The following ATAD2 variants were observed in gnomAD, a reference collection of about 807,000 sequenced individuals.
ATAD2 encodes ATPase family AAA domain-containing protein 2.
In ATAD2, 62 loss-of-function variants were observed where a neutral mutation model predicts 168.9. The observed-to-expected ratio is 0.37, with a 90% CI of 0.30 to 0.45. The LOEUF is 0.45. ATAD2 is among the 20% of genes least tolerant of loss of function. The probability of loss-of-function intolerance (pLI) is 1.00; values close to 1 mark genes in which losing one functional copy is unlikely to be tolerated. For missense variants in ATAD2, 1,419 were observed against 1,667.8 expected, an observed-to-expected ratio of 0.85 and a Z score of 2.60; for synonymous variants, 613 against 571.6, an observed-to-expected ratio of 1.07 and a Z score of -1.03.
At chr8:123,364,542 C>A (rs997010067) in intron 8 of ATAD2, among the ~76,000 whole-genome samples, 2 of 152,038 alleles carry the variant, frequency 1.3e-5, no homozygotes, top group African/African-American at 2.4e-5. Context: ...ACTAGCTAAT[C>A]GAATCCAACA....
intron 19 of ATAD2, among the ~76,000 whole-genome samples, chr8:123,343,617 A>G (rs1483170761): frequency 6.6e-6 from 1 of 152,198 alleles, no homozygotes; most frequent in Admixed American, 6.5e-5. Flanking sequence ...AAAAACCATT[A>G]AACTCATTCA....
In ATAD2 at chr8:123,382,540, C is replaced by G. The variant is rs891697713; in HGVS notation, c.172-1863G>C. ...ATGGAATCTGTTTCCAAATTATCAACTTTCATATGTACTTTTTCTTAAAAC... is the reference window on the plus strand; with the variant it reads ...ATGGAATCTGTTTCCAAATTATCAAGTTTCATATGTACTTTTTCTTAAAAC... On this transcript the variant is annotated intron_variant, in intron 1 of 27. Transcript: ENST00000287394. Among the ~76,000 whole-genome samples, 6 of 152,318 alleles carry G rather than the reference C, an allele frequency of 3.9e-5. No homozygotes were observed. In the East Asian group the frequency reaches 1.2e-3, roughly 29 times the overall value.
At chr8:123,404,680 C>T (rs1226508419) in intron 1 of ATAD2, among the ~76,000 whole-genome samples, 2 of 152,022 alleles carry the variant, frequency 1.3e-5, no homozygotes, top group African/African-American at 4.8e-5. Context: ...GATTCTCCTG[C>T]CTCAGCCTCC....
chr8:123,365,068 C>A (rs888168828), intron 8 of ATAD2, among the ~76,000 whole-genome samples: 2 of 152,070 alleles, frequency 1.3e-5, no homozygotes, highest in Non-Finnish European at 2.9e-5. Flanking sequence ...ACAAAAAAAT[C>A]CAGCAAAGTT....
intron 24 of ATAD2, 41 bp downstream of exon 24, chr8:123,333,837 A>G (rs1827843661): frequency 1.3e-6 from 2 of 1,543,036 alleles, no homozygotes; most frequent in Non-Finnish European, 1.8e-6. Context: ...AGAAAAGAAT[A>G]AAGTTATAAT....
intron 19 of ATAD2, among the ~76,000 whole-genome samples, chr8:123,340,653 A>G (rs1454703025): frequency 6.6e-6 from 1 of 152,236 alleles, no homozygotes; most frequent in East Asian, 1.9e-4. Flanking sequence ...AAATTTGGAC[A>G]CAAGATACAA....
chr8:123,401,348 G>T, upstream of ATAD2: 3 of 1,402,660 alleles, frequency 2.1e-6, no homozygotes, highest in Non-Finnish European at 3.0e-6. Flanking sequence ...GACAAATACC[G>T]CCTGGACCTG....
intron 1 of ATAD2, among the ~76,000 whole-genome samples, chr8:123,415,663 C>T (rs1360969135): frequency 6.6e-6 from 1 of 152,060 alleles, no homozygotes; most frequent in Admixed American, 6.5e-5. Flanking sequence ...GGCACCATCT[C>T]GGCTCACTGC....
chr8:123,372,680 C>A lies in ATAD2; in HGVS notation c.327G>T (p.Leu109Phe). ...LANGRHFTRQ[L>F]ARQQADKKKE... Reference sequence around the variant, plus strand: ...TTTTTTTATCAGCCTGCTGTCTGGCCAACTGCCTATATTTTAAAAAATTAG... The same window carrying A: ...TTTTTTTATCAGCCTGCTGTCTGGCAAACTGCCTATATTTTAAAAAATTAG... Residue 109 changes from leucine to phenylalanine, a missense_variant, in exon 3 of 28, where the codon TTG becomes TTT. Transcript: ENST00000287394. 2 of 1,583,906 alleles carry A rather than the reference C, an allele frequency of 1.3e-6. No individual in the cohort carries two copies. The highest frequency in any genetic ancestry group is 1.2e-5 in the South Asian group (1 of 85,256).
intron 21 of ATAD2, 107 bp from the exon 22 acceptor site, chr8:123,336,639 GATT>G: frequency 1.2e-6 from 1 of 822,384 alleles, no homozygotes; most frequent in Non-Finnish European, 1.8e-6. Context: ...ATACGTAAGA[GATT>G]ATGATAATAT....
intron 27 of ATAD2, among the ~76,000 whole-genome samples, chr8:123,322,613 GAGTGAGTTGA>G (rs1388392553): frequency 6.6e-6 from 1 of 152,154 alleles, no homozygotes. Context: ...AGGCTGCAGT[GAGTGAGTTGA>G]GATCGCACCA....
rs1828744439 is a variant in ATAD2, at chr8:123,359,410, G to A, written c.1267-74C>T. 4.8e-6 allele frequency: 6 copies of A among 1,238,332 alleles called. No homozygotes were observed. In the East Asian group the frequency reaches 9.3e-5, roughly 19 times the overall value. 76.7% of individuals were successfully genotyped at this position (1,238,332 alleles called of 1,614,324 possible). On this transcript the variant is annotated intron_variant, in intron 10 of 27. Transcript: ENST00000287394. The stretch of plus-strand genomic sequence containing the variant: ...AAAATGTCACCCCACACCATACACA[G>A]TCAATGAAGTAATAATATCTTAATT...
In ATAD2 at chr8:123,346,729, T is replaced by C. The variant is rs1301792295; in HGVS notation, c.2234A>G (p.Glu745Gly). Residue 745 changes from glutamate to glycine, a missense_variant, in exon 17 of 28, where the codon GAA (glutamate) becomes GGA (glycine). Physicochemically the swap from Glu to Gly is moderately conservative, Grantham distance 98. Transcript: ENST00000287394. ...LDSDISCPLL[E>G]SDLAYSDDDV... ...ATCATCACTGTAAGCCAAGTCACTT[T>C]CTAGCAGAGGACAAGAAATATCTAT... 1 of 1,590,088 alleles carries C rather than the reference T, an allele frequency of 6.3e-7. No homozygotes were observed. The highest frequency in any genetic ancestry group is 1.4e-5 in the African/African-American group (1 of 73,920).
chr8:123,344,989 C>T lies in ATAD2; in HGVS notation c.2613G>A (p.Pro871=), dbSNP rs748436000. The change falls in exon 19 of 28, where the codon CCG becomes CCA. Residue 871 remains proline (P), a synonymous_variant. Transcript: ENST00000287394. Reference sequence around the variant, plus strand: ...ATGTGGTAAATGTGGCTTTAAGTGTCGGTCCAACTATTTCCCACCACACGT... The same window carrying T: ...ATGTGGTAAATGTGGCTTTAAGTGTTGGTCCAACTATTTCCCACCACACGT... ...HIHVWWEIVG[P]TLKATFTTLL... is the part of the protein sequence containing the mutation. 10 of 1,613,818 alleles carry T rather than the reference C, an allele frequency of 6.2e-6. No homozygotes were observed. The South Asian group carries it at 6.6e-5, about 11-fold the overall frequency.
chr8:123,345,777 A>G (rs1050656992), intron 18 of ATAD2, among the ~76,000 whole-genome samples: 2 of 152,238 alleles, frequency 1.3e-5, no homozygotes, highest in Non-Finnish European at 2.9e-5. Context: ...AGGAGCAGTC[A>G]CCATTTTAAG....
rs1827446055 is a variant in ATAD2 at position 123,320,811 on chromosome 8, A to T, written c.*323T>A. The stretch of plus-strand genomic sequence containing the variant: ...AAATTAAAAGTGCTTAATACAAACA[A>T]AATTTAACGCTGCTAATTATTCTTA... On this transcript the variant is annotated 3_prime_UTR_variant, in exon 28 of 28. Transcript: ENST00000287394. The T allele has an allele frequency of 4.2e-6, 1 of 238,254 alleles. No individual in the cohort carries two copies. The highest frequency in any genetic ancestry group is 8.0e-6 in the Non-Finnish European group (1 of 125,532). The allele number at this position is 238,254 out of a possible 1,614,324, so 14.8% of individuals were successfully genotyped here. A position where few individuals can be genotyped will look rare whatever the true frequency, so the allele number is the denominator to read the frequency against.
chr8:123,409,138 A>G (rs143339659), intron 1 of ATAD2, among the ~76,000 whole-genome samples: 28 of 152,052 alleles, frequency 1.8e-4, no homozygotes, highest in Non-Finnish European at 2.9e-4. Flanking sequence ...ATATTCTTAT[A>G]ATGTGGTTTT....
intron 27 of ATAD2, among the ~76,000 whole-genome samples, chr8:123,321,871 A>T (rs1355837829): frequency 1.3e-5 from 2 of 152,132 alleles, no homozygotes; most frequent in Non-Finnish European, 2.9e-5. Flanking sequence ...GTTCCAGGTT[A>T]TAGTGAGCTA....
intron 1 of ATAD2, among the ~76,000 whole-genome samples, chr8:123,385,342 AAG>A (rs773551844): frequency 5.9e-5 from 9 of 152,240 alleles, no homozygotes; most frequent in Non-Finnish European, 1.0e-4. Flanking sequence ...AAACTTTGCT[AAG>A]AGTTTGCTCA....
Sources: allele counts gnomAD v4.1 joint callset (sites outside exome capture counted in the v4.1 genomes callset), GRCh38; gene constraint gnomAD v4.1.1; transcripts MANE v1.5; gene names NCBI Gene and HGNC (gene_info 2026-07-23, HGNC 2026-07-21).